Variants in PDE3B observed in about 807,000 individuals in gnomAD.
PDE3B encodes the protein cGMP-inhibited 3',5'-cyclic phosphodiesterase 3B.
Under a neutral mutation model 116.8 loss-of-function variants are expected in PDE3B, and 66 were observed. That is an observed-to-expected ratio of 0.56 (90% CI 0.46 to 0.69). PDE3B has a LOEUF of 0.69. PDE3B is among the 30% of genes least tolerant of loss of function. The pLI, the probability that PDE3B is intolerant of heterozygous loss-of-function variation, is 0.00. For synonymous variants in PDE3B, 595 were observed against 533.6 expected (o/e 1.12, Z -1.59); for missense variants, 1,384 against 1,368.1 (o/e 1.01, Z -0.18).
chr11:14,736,386 G>A (rs1856602644), intron 1 of PDE3B, among the ~76,000 whole-genome samples: 1 of 152,132 alleles, frequency 6.6e-6, no homozygotes, highest in Admixed American at 6.5e-5. Flanking sequence ...CTGGTGCGTG[G>A]GGCACATTTT....
intron 1 of PDE3B, among the ~76,000 whole-genome samples, chr11:14,654,987 C>G (rs558640304): frequency 2.0e-4 from 31 of 152,058 alleles, no homozygotes; most frequent in African/African-American, 7.5e-4. Flanking sequence ...AGGACAAATA[C>G]TTAAAGCATG....
At chr11:14,680,031 A>G (rs1279388009) in intron 1 of PDE3B, among the ~76,000 whole-genome samples, 1 of 152,190 alleles carries the variant, frequency 6.6e-6, no homozygotes, top group Non-Finnish European at 1.5e-5. Flanking sequence ...GGAAGCTCAT[A>G]GTAGTAGGCC....
intron 7 of PDE3B, 30 bp downstream of exon 7, chr11:14,819,239 G>A (rs373651729): frequency 5.1e-5 from 68 of 1,343,904 alleles, no homozygotes; most frequent in Non-Finnish European, 7.0e-5. Flanking sequence ...ATGTATTTGA[G>A]TTTAAGAGAA....
chr11:14,739,242 A>G (rs1252087036), intron 1 of PDE3B, among the ~76,000 whole-genome samples: 3 of 152,146 alleles, frequency 2.0e-5, no homozygotes, highest in Non-Finnish European at 4.4e-5. Flanking sequence ...TGAGCGTGGA[A>G]TGTGTTTCCA....
chr11:14,648,041 C>G (rs1853463241), intron 1 of PDE3B, among the ~76,000 whole-genome samples: 1 of 150,088 alleles, frequency 6.7e-6, no homozygotes, highest in Non-Finnish European at 1.5e-5. Context: ...GTAGTCTTAT[C>G]TGCCAAGAAT....
Position 14,721,507 on chromosome 11 carries a change from A to G in PDE3B, c.979-50430A>G, listed in dbSNP as rs528376410. Among the ~76,000 whole-genome samples the G allele has an allele frequency of 3.5e-3, 527 of 151,936 alleles. 2 individuals are homozygous for G. The highest frequency in any genetic ancestry group is 8.1e-3 in the South Asian group (39 of 4,798). ...TATTGTGGCATTATTCACAATAGCA[A>G]AGACTTGGAACCGACCCAAATGTCC... On this transcript the variant is annotated intron_variant, in intron 1 of 15. Coordinates refer to ENST00000282096, the MANE Select transcript of PDE3B (RefSeq NM_000922.4).
At chr11:14,885,123 C>T in the PDE3B span, among the ~76,000 whole-genome samples, 1 of 152,230 alleles carries the variant, frequency 6.6e-6, no homozygotes, top group Middle Eastern at 3.4e-3. Context: ...AAATGTGAAA[C>T]TCAGAGAATT....
rs1250785798 is a variant in PDE3B at position 14,813,250 on chromosome 11, TA to T, written c.1523-4929del. ...CTTATAATTCTGGAGGTCAGAAGTT[TA>T]AAATTGATCTCATTGGGCCCAAAGC... is the stretch of plus-strand genomic sequence containing the variant. On this transcript the variant is annotated intron_variant, in intron 5 of 15. Coordinates refer to ENST00000282096, the MANE Select transcript of PDE3B (RefSeq NM_000922.4). Among the ~76,000 whole-genome samples the T allele has an allele frequency of 1.6e-4, 25 of 152,318 alleles. 1 individual carries two copies. The highest frequency in any genetic ancestry group is 1.6e-3 in the Admixed American group (24 of 15,308).
chr11:14,740,814 T>C (rs1384175766), intron 1 of PDE3B, among the ~76,000 whole-genome samples: 1 of 152,216 alleles, frequency 6.6e-6, no homozygotes. Flanking sequence ...TTGTTCTCAT[T>C]GGTTTCAAAG....
intron 1 of PDE3B, among the ~76,000 whole-genome samples, chr11:14,681,926 CTACTGA>C (rs1253478458): frequency 2.0e-5 from 3 of 152,262 alleles, no homozygotes; most frequent in African/African-American, 7.2e-5. Context: ...CCAAACCTAA[CTACTGA>C]TAGCCTGCTG....
At chr11:14,674,250 T>C (rs1854462091) in intron 1 of PDE3B, 18 of 1,175,626 alleles carry the variant, frequency 1.5e-5, no homozygotes, top group Middle Eastern at 2.2e-4. Context: ...CATTTTTCTG[T>C]TGGAGACCAG....
intron 1 of PDE3B, among the ~76,000 whole-genome samples, chr11:14,648,329 T>A (rs1853470841): frequency 6.6e-6 from 1 of 152,098 alleles, no homozygotes; most frequent in African/African-American, 2.4e-5. Flanking sequence ...CCCATAAATA[T>A]TACTTAAAGT....
intron 1 of PDE3B, among the ~76,000 whole-genome samples, chr11:14,687,430 A>T (rs1854909028): frequency 6.6e-6 from 1 of 152,202 alleles, no homozygotes; most frequent in African/African-American, 2.4e-5. Flanking sequence ...GAAATATTTA[A>T]GTGGTTGAAA....
chr11:14,692,425 C>T (rs576811795), intron 1 of PDE3B, among the ~76,000 whole-genome samples: 57 of 152,062 alleles, frequency 3.7e-4, no homozygotes, highest in Non-Finnish European at 7.2e-4. Context: ...TAGTATGTTT[C>T]GCAGATACTG....
intron 1 of PDE3B, among the ~76,000 whole-genome samples, chr11:14,728,162 G>A (rs1190566975): frequency 6.6e-6 from 1 of 151,842 alleles, no homozygotes; most frequent in Non-Finnish European, 1.5e-5. Context: ...TAAATTTTGG[G>A]GTTATTTTAA....
intron 1 of PDE3B, among the ~76,000 whole-genome samples, chr11:14,748,420 CAG>C (rs1341783369): frequency 6.6e-6 from 1 of 152,122 alleles, no homozygotes; most frequent in African/African-American, 2.4e-5. Flanking sequence ...CTTTTCAGTA[CAG>C]AGTTAATTTC....
chr11:14,785,232 A>C (rs1406689654), intron 2 of PDE3B, among the ~76,000 whole-genome samples: 1 of 152,124 alleles, frequency 6.6e-6, no homozygotes, highest in Non-Finnish European at 1.5e-5. Context: ...GTGTATAGGA[A>C]ATATGCTTAA....
At chr11:14,669,521 T>C (rs1854300790) in intron 1 of PDE3B, among the ~76,000 whole-genome samples, 1 of 133,666 alleles carries the variant, frequency 7.5e-6, no homozygotes, top group East Asian at 2.3e-4. Flanking sequence ...CGTGCAGGTT[T>C]GTTACATATG....
Position 14,830,764 on chromosome 11 carries a change from C to A in PDE3B, c.1874C>A (p.Thr625Lys). The change falls in exon 8 of 16, where the codon ACA becomes AAA. Residue 625 changes from threonine (T) to lysine (K), a missense_variant. Transcript: ENST00000282096. ...KLMETQQEEE[T>K]EKKDSRKLFQ... ...ATGGAAACTCAACAAGAAGAGGAAA[C>A]AGAGAAGAAAGACAGCAGAAAATTA... The A allele has an allele frequency of 6.5e-7, 1 of 1,536,126 alleles. No individual in the cohort carries two copies. Among genetic ancestry groups the A allele is most frequent in the South Asian group, 1.3e-5 (1 of 78,608 alleles).
Sources: allele counts gnomAD v4.1 joint callset (sites outside exome capture counted in the v4.1 genomes callset), GRCh38; gene constraint gnomAD v4.1.1; transcripts MANE v1.5; gene names NCBI Gene and HGNC (gene_info 2026-07-23, HGNC 2026-07-21).